ROBO1: variants seen among roughly 807,000 people sequenced by gnomAD.
The protein encoded by ROBO1 is roundabout guidance receptor 1.
In ROBO1, 149 loss-of-function variants were observed where a neutral mutation model predicts 195.9. The ratio of observed to expected loss-of-function variants is 0.76; its 90% CI spans 0.67 to 0.87. The LOEUF is 0.87. ROBO1 is among the 40% of genes least tolerant of loss of function. ROBO1 has a pLI of 0.00. For missense variants in ROBO1, 1,933 were observed against 2,068.3 expected (o/e 0.93, Z 1.27); for synonymous variants, 816 against 733.2 (o/e 1.11, Z -1.82).
intron 1 of ROBO1, among the ~76,000 whole-genome samples, chr3:79,666,124 A>G (rs1386073736): frequency 1.3e-5 from 2 of 151,988 alleles, no homozygotes; most frequent in East Asian, 1.9e-4. Flanking sequence ...GAAATTGCCA[A>G]TAATGTACTC....
intron 2 of ROBO1, among the ~76,000 whole-genome samples, chr3:79,239,131 C>T (rs1166168497): frequency 6.6e-6 from 1 of 151,996 alleles, no homozygotes; most frequent in Non-Finnish European, 1.5e-5. Flanking sequence ...CAAATCTCAA[C>T]GAACAAAGAA....
chr3:78,638,237 G>A (rs146758002), intron 22 of ROBO1, among the ~76,000 whole-genome samples: 3 of 136,814 alleles, frequency 2.2e-5, no homozygotes, highest in South Asian at 2.2e-4. Context: ...ATATATGTAT[G>A]TGTGTATACA....
intron 2 of ROBO1, among the ~76,000 whole-genome samples, chr3:79,515,796 T>C (rs1482592569): frequency 6.6e-6 from 1 of 152,186 alleles, no homozygotes; most frequent in African/African-American, 2.4e-5. Flanking sequence ...AATCATAAAA[T>C]GTTCATGCAA....
intron 1 of ROBO1, among the ~76,000 whole-genome samples, chr3:79,629,696 C>T (rs1171063737): frequency 3.3e-5 from 5 of 151,696 alleles, no homozygotes; most frequent in Non-Finnish European, 5.9e-5. Flanking sequence ...GAATAAAGCA[C>T]ACAAAGTTGT....
chr3:79,142,484 C>A (rs9812736), intron 2 of ROBO1, among the ~76,000 whole-genome samples: 107,261 of 152,020 alleles, frequency 0.71, 37,857 homozygotes, highest in East Asian at 0.79. Context: ...TCCTTCTGCA[C>A]CCTCTGCTTT....
intron 3 of ROBO1, among the ~76,000 whole-genome samples, chr3:79,051,595 A>T (rs1576615068): frequency 6.6e-6 from 1 of 152,260 alleles, no homozygotes; most frequent in Admixed American, 6.5e-5. Context: ...CCTGGCAGAG[A>T]CACAACAAAA....
intron 2 of ROBO1, among the ~76,000 whole-genome samples, chr3:79,525,539 G>GAT (rs367662211): frequency 0.02 from 2,787 of 140,820 alleles, 63 homozygotes; most frequent in African/African-American, 0.061. Flanking sequence ...TTATACTTCA[G>GAT]ATATATATAT....
At chr3:79,404,479 C>T (rs1344806496) in intron 2 of ROBO1, among the ~76,000 whole-genome samples, 1 of 152,088 alleles carries the variant, frequency 6.6e-6, no homozygotes, top group Non-Finnish European at 1.5e-5. Flanking sequence ...AGAAACTTAA[C>T]TATAAAGTTC....
intron 2 of ROBO1, among the ~76,000 whole-genome samples, chr3:79,319,869 C>A (rs1406730318): frequency 6.6e-6 from 1 of 151,962 alleles, no homozygotes; most frequent in East Asian, 1.9e-4. Context: ...GTTTTATCGG[C>A]TTTATGCTAA....
chr3:79,628,144 A>T (rs1945233907), intron 1 of ROBO1, among the ~76,000 whole-genome samples: 2 of 152,206 alleles, frequency 1.3e-5, no homozygotes, highest in African/African-American at 4.8e-5. Flanking sequence ...GTATGTACCC[A>T]AAGGAATATA....
intron 4 of ROBO1, among the ~76,000 whole-genome samples, chr3:78,788,294 A>C (rs1490519449): frequency 6.7e-6 from 1 of 149,058 alleles, no homozygotes; most frequent in African/African-American, 2.5e-5. Context: ...TTTTTTTTGT[A>C]TTTTTAGTAG....
chr3:79,161,081 G>T (rs2080953380), intron 2 of ROBO1, among the ~76,000 whole-genome samples: 1 of 151,956 alleles, frequency 6.6e-6, no homozygotes, highest in Non-Finnish European at 1.5e-5. Flanking sequence ...TAGGAAAATG[G>T]CATGAAACTA....
chr3:78,663,711 TA>T (rs1707568401), intron 14 of ROBO1, among the ~76,000 whole-genome samples: 1 of 152,184 alleles, frequency 6.6e-6, no homozygotes, highest in Admixed American at 6.5e-5. Context: ...TGGTAAGACA[TA>T]AAAAGTGCTT....
intron 15 of ROBO1, among the ~76,000 whole-genome samples, chr3:78,661,570 G>A (rs1415744282): frequency 6.6e-6 from 1 of 152,166 alleles, no homozygotes; most frequent in Admixed American, 6.5e-5. Flanking sequence ...ATGCAGAAAT[G>A]TGAGGCCTGA....
intron 2 of ROBO1, among the ~76,000 whole-genome samples, chr3:79,207,728 C>T (rs1332703812): frequency 6.6e-6 from 1 of 151,038 alleles, no homozygotes; most frequent in African/African-American, 2.4e-5. Context: ...CCAAAGAATC[C>T]CCCTAATTTC....
chr3:78,720,664 A>G (rs2082018665), intron 5 of ROBO1, among the ~76,000 whole-genome samples: 1 of 152,230 alleles, frequency 6.6e-6, no homozygotes, highest in Admixed American at 6.5e-5. Context: ...TTATGGCACT[A>G]TTCACAATAG....
intron 2 of ROBO1, among the ~76,000 whole-genome samples, chr3:79,520,361 A>G (rs1430731485): frequency 6.6e-6 from 1 of 152,154 alleles, no homozygotes; most frequent in Non-Finnish European, 1.5e-5. Flanking sequence ...CAATTCAATG[A>G]TGTCCCTCAT....
intron 3 of ROBO1, among the ~76,000 whole-genome samples, chr3:79,051,501 C>T (rs187516968): frequency 2.1e-4 from 32 of 152,298 alleles, no homozygotes; most frequent in Non-Finnish European, 1.5e-5. Flanking sequence ...GGTACCATTC[C>T]TTCTGAAACT....
intron 2 of ROBO1, among the ~76,000 whole-genome samples, chr3:79,354,862 T>C (rs1280802464): frequency 2.0e-5 from 3 of 152,098 alleles, no homozygotes; most frequent in Admixed American, 6.6e-5. Context: ...CATTAGCATA[T>C]AAATCTTAGA....
Sources: gnomAD v4.1 joint callset for allele counts (sites outside exome capture counted in the v4.1 genomes callset) on GRCh38, gnomAD v4.1.1 for gene constraint, MANE v1.5 for transcripts, NCBI Gene and HGNC (gene_info 2026-07-23, HGNC 2026-07-21) for gene names.